The following PKHD1 variants were observed in gnomAD, a reference collection of about 807,000 sequenced individuals.
PKHD1 encodes PKHD1 ciliary IPT domain containing fibrocystin/polyductin.
Under a neutral mutation model 412.0 loss-of-function variants are expected in PKHD1, and 291 were observed. The observed-to-expected ratio is 0.71, with a 90% CI of 0.64 to 0.78. PKHD1 has a LOEUF of 0.78. PKHD1 is among the 30% of genes least tolerant of loss of function. The pLI is 0.00. For synonymous variants in PKHD1, 1,777 were observed against 1,821.5 expected (o/e 0.98, Z 0.62); for missense variants, 4,825 against 4,950.7 (o/e 0.97, Z 0.76).
At chr6:51,901,727 T>C (rs1032069791) in intron 43 of PKHD1, among the ~76,000 whole-genome samples, 8 of 148,748 alleles carry the variant, frequency 5.4e-5, no homozygotes, top group African/African-American at 2.0e-4. Flanking sequence ...TCACCAAGGA[T>C]AAATATGTCA....
At position 51,763,976 on chromosome 6, in the gene PKHD1, T is replaced by C. The variant is rs1461930071; in HGVS notation, c.8642+8726A>G. ...TTTTTTTTTTTTATTATACTTTAAG[T>C]TTTAGGGTACATGTGCACATTGTGC... On this transcript the variant is annotated intron_variant, in intron 55 of 66. Coordinates refer to ENST00000371117, the MANE Select transcript of PKHD1 (RefSeq NM_138694.4). Among the ~76,000 whole-genome samples the C allele has an allele frequency of 6.6e-5, 10 of 151,290 alleles. No homozygotes were observed. The East Asian group carries it at 1.8e-3, about 27-fold the overall frequency.
intron 35 of PKHD1, among the ~76,000 whole-genome samples, chr6:51,972,366 G>C (rs1793796607): frequency 6.6e-6 from 1 of 152,182 alleles, no homozygotes; most frequent in Non-Finnish European, 1.5e-5. Context: ...AGCATCATGT[G>C]TTCTTAAGCT....
chr6:51,671,224 T>C (rs908555386), intron 60 of PKHD1, among the ~76,000 whole-genome samples: 104 of 152,136 alleles, frequency 6.8e-4, no homozygotes, highest in African/African-American at 2.4e-3. Flanking sequence ...TAGTCCCATA[T>C]TTCTTGGAGG....
chr6:51,851,892 G>A (rs1772325811), intron 49 of PKHD1, among the ~76,000 whole-genome samples: 2 of 151,932 alleles, frequency 1.3e-5, no homozygotes, highest in African/African-American at 4.8e-5. Context: ...GGTTTTTTGT[G>A]TCTATAACTC....
chr6:51,976,562 C>G (rs900027087), intron 35 of PKHD1, among the ~76,000 whole-genome samples: 1 of 152,122 alleles, frequency 6.6e-6, no homozygotes, highest in Admixed American at 6.6e-5. Flanking sequence ...GACGGATGCT[C>G]GTGACGGTTA....
rs1277076164 is a variant in PKHD1 at position 51,910,743 on chromosome 6, A to ACTTTAT, written c.6490+1055_6490+1056insATAAAG. ...AGATCCCAATTCTGCAGAATTGATA[A>ACTTTAT]AGTTGGGCAGTTGATGGAAGTGAAC... On this transcript the variant is annotated intron_variant, in intron 39 of 66. Coordinates refer to ENST00000371117, the MANE Select transcript of PKHD1 (RefSeq NM_138694.4). 1.9e-3 allele frequency among the ~76,000 whole-genome samples: 294 copies of ACTTTAT among 152,260 alleles called. 1 individual carries two copies. The highest frequency in any genetic ancestry group is 6.7e-3 in the African/African-American group (278 of 41,568).
At chr6:51,973,055 A>G (rs781287436) in intron 35 of PKHD1, among the ~76,000 whole-genome samples, 7 of 152,224 alleles carry the variant, frequency 4.6e-5, no homozygotes, top group Non-Finnish European at 8.8e-5. Flanking sequence ...GAAGAAGCAG[A>G]AAGCAAGCAG....
rs150786217 is a variant in PKHD1 at position 51,903,605 on chromosome 6, C to A, written c.6988G>T (p.Val2330Phe). ...AGAGCTGAACATCTTACCTCTATAA[C>A]ATTGGTGGGACTGCAGATATAGATG... ...SGIYICSPTN[V>F]IEGNRVCGAG... The change falls in exon 43 of 67, where the codon GTT (valine) becomes TTT (phenylalanine). Residue 2330 changes from valine to phenylalanine, a missense_variant. Physicochemically the swap from Val to Phe is conservative, Grantham distance 50. Coordinates refer to ENST00000371117, the MANE Select transcript of PKHD1 (RefSeq NM_138694.4). 137 of 1,610,570 alleles carry A rather than the reference C, an allele frequency of 8.5e-5. No homozygotes were observed. The highest frequency in any genetic ancestry group is 1.1e-4 in the Non-Finnish European group (129 of 1,177,614).
At chr6:52,052,955 A>G in intron 21 of PKHD1, 121 bp downstream of exon 21, 1 of 857,292 alleles carries the variant, frequency 1.2e-6, no homozygotes, top group Admixed American at 2.0e-5. Flanking sequence ...TTCTAGAGCC[A>G]AGGCAGGCAA....
chr6:51,807,194 G>A (rs1177204596), intron 52 of PKHD1, among the ~76,000 whole-genome samples: 3 of 104,554 alleles, frequency 2.9e-5, no homozygotes, highest in South Asian at 3.8e-4. Context: ...TTGGGAGGCC[G>A]AGGCAGGTTG....
chr6:51,702,614 A>AAACTAATT (rs1458612211), intron 60 of PKHD1, among the ~76,000 whole-genome samples: 1 of 151,984 alleles, frequency 6.6e-6, no homozygotes, highest in Non-Finnish European at 1.5e-5. Context: ...TACAAATTAG[A>AAACTAATT]AACTAATTAA....
chr6:51,995,656 A>C (rs1177309737), intron 35 of PKHD1, among the ~76,000 whole-genome samples: 1 of 152,180 alleles, frequency 6.6e-6, no homozygotes, highest in Non-Finnish European at 1.5e-5. Context: ...CTTTGCCTTC[A>C]CTGATTTTCC....
At chr6:52,058,166 A>T (rs181654693) in intron 16 of PKHD1, among the ~76,000 whole-genome samples, 157 bp downstream of exon 16, 22 of 152,328 alleles carry the variant, frequency 1.4e-4, no homozygotes, top group Non-Finnish European at 2.2e-4. Context: ...ACATTTTTGT[A>T]AACATCTTCA....
At chr6:52,083,133 G>T in intron 3 of PKHD1, 45 bp downstream of exon 3, 1 of 1,206,960 alleles carries the variant, frequency 8.3e-7, no homozygotes, top group African/African-American at 1.5e-5. Context: ...TTAGGATTGT[G>T]GGTCAATACA....
chr6:51,921,450 T>G (rs1303896336), intron 37 of PKHD1, among the ~76,000 whole-genome samples: 1 of 152,218 alleles, frequency 6.6e-6, no homozygotes. Flanking sequence ...ATTCTCTGTA[T>G]TTCCTGAATT....
intron 48 of PKHD1, among the ~76,000 whole-genome samples, chr6:51,856,744 T>A (rs1211391932): frequency 6.6e-6 from 1 of 152,252 alleles, no homozygotes. Context: ...GCTATTACAG[T>A]ACCTATGTGT....
intron 34 of PKHD1, among the ~76,000 whole-genome samples, chr6:52,014,194 A>G (rs1001299129): frequency 2.6e-5 from 4 of 152,166 alleles, no homozygotes; most frequent in African/African-American, 9.7e-5. Flanking sequence ...ATAAAACTCG[A>G]CAGTTCTTTT....
At chr6:51,637,450 G>T (rs1182348051) in intron 64 of PKHD1, among the ~76,000 whole-genome samples, 1 of 152,128 alleles carries the variant, frequency 6.6e-6, no homozygotes, top group Non-Finnish European at 1.5e-5. Flanking sequence ...TGACTCTCAT[G>T]AAAACATATA....
intron 51 of PKHD1, among the ~76,000 whole-genome samples, chr6:51,832,049 A>G (rs1320034399): frequency 2.0e-5 from 3 of 152,104 alleles, no homozygotes; most frequent in Non-Finnish European, 1.5e-5. Flanking sequence ...ATTTTACAAC[A>G]TAAATAGTGA....
Sources: allele counts gnomAD v4.1 joint callset (sites outside exome capture counted in the v4.1 genomes callset), GRCh38; gene constraint gnomAD v4.1.1; transcripts MANE v1.5; gene names NCBI Gene and HGNC (gene_info 2026-07-23, HGNC 2026-07-21).